The following PPM1L variants were observed in gnomAD, a reference collection of about 807,000 sequenced individuals.
PPM1L encodes protein phosphatase 1L.
A neutral mutation model predicts 31.4 loss-of-function variants in PPM1L; 13 were observed. That is an observed-to-expected ratio of 0.41 (90% CI 0.27 to 0.66). The LOEUF (loss-of-function observed/expected upper bound fraction) is 0.66. Ranked by LOEUF, PPM1L falls within the 30% of genes least tolerant of loss-of-function variation. The pLI, the probability that PPM1L is intolerant of heterozygous loss-of-function variation, is 0.29. For missense variants in PPM1L, 326 were observed against 453.7 expected, an observed-to-expected ratio of 0.72 and a Z score of 2.56; for synonymous variants, 184 against 175.4, an observed-to-expected ratio of 1.05 and a Z score of -0.39.
At chr3:160,793,724 C>T (rs1271754350) in intron 1 of PPM1L, among the ~76,000 whole-genome samples, 1 of 152,128 alleles carries the variant, frequency 6.6e-6, no homozygotes, top group African/African-American at 2.4e-5. Context: ...TTTCAATAGA[C>T]AGTTTGCAAA....
intron 1 of PPM1L, among the ~76,000 whole-genome samples, chr3:160,817,074 C>T (rs772641010): frequency 1.3e-5 from 2 of 152,050 alleles, no homozygotes; most frequent in Non-Finnish European, 2.9e-5. Context: ...AGGAGGAAAA[C>T]ATGTGGAGAG....
chr3:160,910,784 G>A (rs766156692), intron 1 of PPM1L, among the ~76,000 whole-genome samples: 18 of 152,146 alleles, frequency 1.2e-4, no homozygotes, highest in Admixed American at 6.5e-4. Flanking sequence ...TCTTTTAGTT[G>A]TTGTGCTTTT....
chr3:160,807,261 C>A (rs931916935), intron 1 of PPM1L, among the ~76,000 whole-genome samples: 20 of 152,126 alleles, frequency 1.3e-4, no homozygotes, highest in African/African-American at 4.6e-4. Context: ...AAGTAGGCAC[C>A]CACCTTCAAT....
intron 2 of PPM1L, among the ~76,000 whole-genome samples, chr3:160,995,438 A>G (rs1421983857): frequency 6.6e-6 from 1 of 152,046 alleles, no homozygotes. Flanking sequence ...CTCCTGCCTC[A>G]GCCTCCTGAG....
intron 2 of PPM1L, among the ~76,000 whole-genome samples, chr3:161,027,012 T>C (rs1366981376): frequency 2.0e-5 from 3 of 152,214 alleles, no homozygotes; most frequent in African/African-American, 7.2e-5. Flanking sequence ...CTTGGACAAG[T>C]TACGCAAGGT....
chr3:161,038,775 G>A (rs1242692436), intron 2 of PPM1L, among the ~76,000 whole-genome samples: 1 of 152,082 alleles, frequency 6.6e-6, no homozygotes, highest in Admixed American at 6.5e-5. Flanking sequence ...GTGAACCAGA[G>A]CAACTCTATC....
At chr3:160,847,439 A>C (rs1253185504) in intron 1 of PPM1L, among the ~76,000 whole-genome samples, 3 of 152,206 alleles carry the variant, frequency 2.0e-5, no homozygotes, top group African/African-American at 7.2e-5. Flanking sequence ...AGAAAAAATG[A>C]AGTGAAAATA....
At chr3:160,944,832 A>ATAT (rs1553748183) in intron 1 of PPM1L, among the ~76,000 whole-genome samples, 4 of 57,060 alleles carry the variant, frequency 7.0e-5, no homozygotes, top group East Asian at 2.7e-4. Flanking sequence ...TATATATAAC[A>ATAT]TATATATGTT....
At chr3:161,039,683 C>T (rs1399753382) in intron 2 of PPM1L, among the ~76,000 whole-genome samples, 4 of 152,152 alleles carry the variant, frequency 2.6e-5, no homozygotes, top group East Asian at 1.9e-4. Flanking sequence ...CCACCACACC[C>T]GGCTAATTTT....
chr3:160,932,170 C>G (rs1484155130), intron 1 of PPM1L, among the ~76,000 whole-genome samples: 6 of 152,100 alleles, frequency 3.9e-5, no homozygotes, highest in Admixed American at 1.3e-4. Flanking sequence ...TGGTTTTGAG[C>G]ATGTTATGAA....
chr3:160,973,764 G>GTTTTTTTTTTTTTTTTTTTTTTTTT (rs75599237), intron 2 of PPM1L, among the ~76,000 whole-genome samples: 7 of 88,448 alleles, frequency 7.9e-5, no homozygotes, highest in Non-Finnish European at 1.3e-4. Context: ...GAAAGGCCCT[G>GTTTTTTTTTTTTTTTTTTTTTTTTT]TTTTTTTTTT....
chr3:160,944,015 C>CA (rs1715244072), intron 1 of PPM1L, among the ~76,000 whole-genome samples: 2 of 152,108 alleles, frequency 1.3e-5, no homozygotes, highest in Non-Finnish European at 1.5e-5. Context: ...ACATCTGGAA[C>CA]TTGCTTGTTG....
rs147362108 is a variant in PPM1L, at chr3:160,826,589, T to A, written c.399+69882T>A. ...CATTTAGATTTATTCTATTATTTTG[T>A]CTGTTAAAGTTCATTTTTTAAGGTA... On this transcript the variant is annotated intron_variant, in intron 1 of 3. Coordinates refer to ENST00000498165, the MANE Select transcript of PPM1L (RefSeq NM_139245.4). Among the ~76,000 whole-genome samples, 389 of 152,332 alleles carry A rather than the reference T, an allele frequency of 2.6e-3. 1 individual carries two copies. Among genetic ancestry groups the A allele is most frequent in the African/African-American group, 9.0e-3 (374 of 41,582 alleles).
intron 1 of PPM1L, among the ~76,000 whole-genome samples, chr3:160,822,047 C>T (rs1397273316): frequency 6.6e-6 from 1 of 151,722 alleles, no homozygotes; most frequent in African/African-American, 2.4e-5. Flanking sequence ...CCCTCTAGGC[C>T]TAAAAAGAAA....
intron 1 of PPM1L, among the ~76,000 whole-genome samples, chr3:160,871,370 A>G (rs1576681287): frequency 1.2e-5 from 1 of 83,214 alleles, no homozygotes; most frequent in Non-Finnish European, 2.7e-5. Flanking sequence ...CATTATCAAA[A>G]AGGTCTTCAT....
chr3:160,799,747 G>A (rs753952226), intron 1 of PPM1L, among the ~76,000 whole-genome samples: 9 of 151,870 alleles, frequency 5.9e-5, no homozygotes, highest in Non-Finnish European at 1.2e-4. Flanking sequence ...TCTTTCTTTG[G>A]GTCTCTACCT....
Position 160,987,262 on chromosome 3 carries a change from G to A in PPM1L, c.574+25352G>A, listed in dbSNP as rs1716994572. Among the ~76,000 whole-genome samples the A allele has an allele frequency of 2.0e-5, 3 of 152,272 alleles. No homozygotes were observed. The South Asian group carries it at 6.2e-4, about 32-fold the overall frequency. On this transcript the variant is annotated intron_variant, in intron 2 of 3. Transcript: ENST00000498165. Reference sequence around the variant, plus strand: ...AATAGACTCTATGTTGTATCATAAAGTTAAGAAGCCCAAGGCCATTTGTGG... The same window carrying A: ...AATAGACTCTATGTTGTATCATAAAATTAAGAAGCCCAAGGCCATTTGTGG...
intron 2 of PPM1L, among the ~76,000 whole-genome samples, chr3:161,020,103 C>T (rs1000354372): frequency 5.7e-5 from 8 of 141,326 alleles, no homozygotes; most frequent in East Asian, 2.1e-4. Flanking sequence ...TCCAGCCTAG[C>T]GACAGAGAGA....
intron 1 of PPM1L, among the ~76,000 whole-genome samples, chr3:160,958,171 A>G (rs1003047320): frequency 1.9e-4 from 29 of 152,210 alleles, no homozygotes; most frequent in African/African-American, 6.0e-4. Flanking sequence ...ATTAGATCCT[A>G]TTTGTCAATT....
Sources: allele counts gnomAD v4.1 joint callset (sites outside exome capture counted in the v4.1 genomes callset), GRCh38; gene constraint gnomAD v4.1.1; transcripts MANE v1.5; gene names NCBI Gene and HGNC (gene_info 2026-07-23, HGNC 2026-07-21).